Variants in ZDHHC11 observed in about 807,000 individuals in gnomAD.
ZDHHC11 encodes zDHHC palmitoyltransferase 11, also known as palmitoyltransferase ZDHHC11.
Under a neutral mutation model 51.3 loss-of-function variants are expected in ZDHHC11, and 44 were observed. The ratio of observed to expected loss-of-function variants is 0.86; its 90% CI spans 0.67 to 1.10. The LOEUF is 1.10. Ranked by LOEUF, ZDHHC11 falls within the 50% of genes least tolerant of loss-of-function variation. The pLI, the probability that ZDHHC11 is intolerant of heterozygous loss-of-function variation, is 0.00. For synonymous variants in ZDHHC11, 163 were observed against 222.0 expected (o/e 0.73, Z 2.36); for missense variants, 400 against 537.7 (o/e 0.74, Z 2.53).
chr5:855,072 A>AGAGGACAGCGAGCCGC (rs1560869789), upstream of ZDHHC11, among the ~76,000 whole-genome samples: 7 of 131,730 alleles, frequency 5.3e-5, no homozygotes, highest in Non-Finnish European at 1.1e-4. Context: ...CAGACCCCAC[A>AGAGGACAGCGAGCCGC]GAGGACAGCG....
chr5:801,186 A>T lies in ZDHHC11; in HGVS notation c.1182-22T>A, dbSNP rs760564825. ...CAGCCTGTTTGCAATATTCAGAAAG[A>T]GAAACAACAGAGAACGTATGATGTA... On this transcript the variant is annotated intron_variant, in intron 11 of 12. Coordinates refer to ENST00000283441, the MANE Select transcript of ZDHHC11 (RefSeq NM_024786.3). 5 of 1,609,790 alleles carry T rather than the reference A, an allele frequency of 3.1e-6. 1 individual carries two copies. The highest frequency in any genetic ancestry group is 1.1e-5 in the South Asian group (1 of 90,922).
chr5:806,797 A>G lies in ZDHHC11; in HGVS notation c.1182-5633T>C, dbSNP rs1483586505. On this transcript the variant is annotated intron_variant, in intron 11 of 12. Transcript: ENST00000283441. ...CAGATTCATTAATAATGAGGGAAAT[A>G]CTGAAGAAGGCCACAATAAGCCACC... is the stretch of plus-strand genomic sequence containing the variant. Among the ~76,000 whole-genome samples, 4 of 95,186 alleles carry G rather than the reference A, an allele frequency of 4.2e-5. No homozygotes were observed. The East Asian group carries it at 1.8e-3, about 43-fold the overall frequency. 62.4% of individuals were successfully genotyped at this position (95,186 alleles called of 152,430 possible).
chr5:850,931 G>C lies in ZDHHC11; in HGVS notation c.-329C>G, dbSNP rs3747733. ...ATCAGTTCCCCTGAGGATTTGTTAC[G>C]TTCTGGGGAGTGCTCGACAGCCCCC... is the stretch of plus-strand genomic sequence containing the variant. On this transcript the variant is annotated 5_prime_UTR_variant, in exon 1 of 13. Transcript: ENST00000283441. The C allele has an allele frequency of 2.1e-5, 9 of 427,648 alleles. No individual in the cohort carries two copies. The highest frequency in any genetic ancestry group is 3.2e-5 in the South Asian group (1 of 31,340). 26.5% of individuals were successfully genotyped at this position (427,648 alleles called of 1,614,324 possible). A position where few individuals can be genotyped will look rare whatever the true frequency, so the allele number is the denominator to read the frequency against.
chr5:825,416 C>T (rs576060112), intron 7 of ZDHHC11, among the ~76,000 whole-genome samples, 165 bp from the exon 8 acceptor site: 28 of 152,108 alleles, frequency 1.8e-4, no homozygotes, highest in African/African-American at 6.3e-4. Context: ...AGTACTCCTG[C>T]GTTATGTGCA....
chr5:857,360 CAT>C (rs954380813), intron 1 of ZDHHC11, among the ~76,000 whole-genome samples: 23 of 152,334 alleles, frequency 1.5e-4, no homozygotes, highest in Admixed American at 3.3e-4. Context: ...CACCACCACA[CAT>C]GAGAACCAGC....
At chr5:808,135 T>C in intron 11 of ZDHHC11, among the ~76,000 whole-genome samples, 1 of 150,230 alleles carries the variant, frequency 6.7e-6, no homozygotes, top group Non-Finnish European at 1.5e-5. Flanking sequence ...TGGGTCCTTC[T>C]GAATCTCTGG....
intron 11 of ZDHHC11, among the ~76,000 whole-genome samples, chr5:805,072 A>T (rs557511338): frequency 6.6e-6 from 1 of 151,492 alleles, no homozygotes; most frequent in Admixed American, 6.6e-5. Context: ...CTGTATAAAG[A>T]TGTAATCAAT....
intron 1 of ZDHHC11, among the ~76,000 whole-genome samples, chr5:857,730 T>C (rs1166482659): frequency 3.2e-4 from 37 of 115,102 alleles, no homozygotes; most frequent in Middle Eastern, 6.2e-3. Flanking sequence ...TGAGTCTGTC[T>C]CGGTCCCCGT....
chr5:833,834 A>G (rs371405340), intron 6 of ZDHHC11, 27 bp from the exon 7 acceptor site: 122 of 1,569,828 alleles, frequency 7.8e-5, no homozygotes, highest in Admixed American at 6.4e-4. Flanking sequence ...AATTCGTCAC[A>G]TGAAAAAAGA....
chr5:855,374 A>G (rs997951782), upstream of ZDHHC11, among the ~76,000 whole-genome samples: 1 of 143,598 alleles, frequency 7.0e-6, no homozygotes, highest in Admixed American at 6.9e-5. Flanking sequence ...GAGGACAGAG[A>G]GCCGGGGAGA....
rs1741569754 is a variant in ZDHHC11 at position 821,570 on chromosome 5, A to G, written c.1058+291T>C. On this transcript the variant is annotated intron_variant, in intron 9 of 12. Coordinates refer to ENST00000283441, the MANE Select transcript of ZDHHC11 (RefSeq NM_024786.3). ...GGGCTGATGTGCAGCTCCCACCAGG[A>G]CAGAGAACAGCATGTGGACACTCAT... Among the ~76,000 whole-genome samples the G allele has an allele frequency of 1.3e-5, 2 of 151,220 alleles. 1 individual carries two copies. Among genetic ancestry groups the G allele is most frequent in the Non-Finnish European group, 3.0e-5 (2 of 67,628 alleles).
intron 10 of ZDHHC11, among the ~76,000 whole-genome samples, chr5:815,577 T>C (rs1261962549): frequency 6.6e-6 from 1 of 151,356 alleles, no homozygotes; most frequent in Admixed American, 6.6e-5. Context: ...TTTAATTATA[T>C]TTTTTAGAGA....
Position 816,635 on chromosome 5 carries a change from G to T in ZDHHC11, c.1147-1840C>A. On this transcript the variant is annotated intron_variant, in intron 10 of 12. Transcript: ENST00000283441. ...CTCCTGTTGCTTTGCCATAGTGGCT[G>T]TGATTTGGGATTATATGCATCCCTT... 4 of 627,352 alleles carry T rather than the reference G, an allele frequency of 6.4e-6. 2 individuals carry two copies. The highest frequency in any genetic ancestry group is 5.5e-5 in the South Asian group (4 of 72,584). The allele number at this position is 627,352 out of a possible 1,614,324, so 38.9% of individuals were successfully genotyped here. A position where few individuals can be genotyped will look rare whatever the true frequency, so the allele number is the denominator to read the frequency against.
rs1271190618 is a variant in ZDHHC11 at position 796,477 on chromosome 5, T to C, written c.*111A>G. On this transcript the variant is annotated 3_prime_UTR_variant, in exon 13 of 13. Transcript: ENST00000283441. ...GGGCTCTGGTTCCTGGCCTGTAGCA[T>C]GGGTAGGAGCAGGAGGCTTTGCAAG... is the stretch of plus-strand genomic sequence containing the variant. 4.7e-5 allele frequency: 7 copies of C among 148,300 alleles called. No homozygotes were observed. Among genetic ancestry groups the C allele is most frequent in the African/African-American group, 7.5e-5 (3 of 40,100 alleles). 9.2% of individuals were successfully genotyped at this position (148,300 alleles called of 1,614,324 possible). A position where few individuals can be genotyped will look rare whatever the true frequency, so the allele number is the denominator to read the frequency against.
intron 9 of ZDHHC11, among the ~76,000 whole-genome samples, chr5:819,950 G>A (rs1442508685): frequency 6.6e-6 from 1 of 151,350 alleles, no homozygotes; most frequent in Non-Finnish European, 1.5e-5. Context: ...GCTACAAGGT[G>A]ACTGTAATTT....
At chr5:853,566 C>CAGTG, upstream of ZDHHC11, among the ~76,000 whole-genome samples, 1 of 148,464 alleles carries the variant, frequency 6.7e-6, no homozygotes, top group African/African-American at 2.5e-5. Context: ...CCACAGAGGA[C>CAGTG]AGCAAGCCCG....
chr5:808,167 C>G (rs1435825541), intron 11 of ZDHHC11, among the ~76,000 whole-genome samples: 6 of 150,294 alleles, frequency 4.0e-5, no homozygotes, highest in African/African-American at 1.5e-4. Flanking sequence ...GAAAACTGAG[C>G]ACTGCAGCCC....
rs1218380549 is a variant in ZDHHC11, at chr5:850,627, C to A, written c.-25G>T. The A allele has an allele frequency of 3.7e-6, 6 of 1,609,352 alleles. No individual in the cohort carries two copies. Among genetic ancestry groups the A allele is most frequent in the South Asian group, 1.1e-5 (1 of 91,006 alleles). ...TCTGCAGGACACAGAAGGGGAGGACCTGCGCCGTCAGATCCTGGGAGGGCC... is the reference window on the plus strand; with the variant it reads ...TCTGCAGGACACAGAAGGGGAGGACATGCGCCGTCAGATCCTGGGAGGGCC... On this transcript the variant is annotated 5_prime_UTR_variant, in exon 1 of 13. It adds an upstream start codon to the 5' untranslated region. Coordinates refer to ENST00000283441, the MANE Select transcript of ZDHHC11 (RefSeq NM_024786.3).
intron 8 of ZDHHC11, 141 bp from the exon 9 acceptor site, chr5:822,036 A>T: frequency 1.4e-6 from 1 of 691,264 alleles, no homozygotes; most frequent in Non-Finnish European, 2.4e-6. Context: ...ATGGAATAGG[A>T]TCTCAGTGGT....
Sources: allele counts gnomAD v4.1 joint callset (sites outside exome capture counted in the v4.1 genomes callset), GRCh38; gene constraint gnomAD v4.1.1; transcripts MANE v1.5; gene names NCBI Gene and HGNC (gene_info 2026-07-23, HGNC 2026-07-21).